EXT2: variants seen among roughly 807,000 people sequenced by gnomAD.
EXT2 encodes the protein exostosin-2.
Under a neutral mutation model 81.6 loss-of-function variants are expected in EXT2, and 53 were observed. That is an observed-to-expected ratio of 0.65 (90% CI 0.52 to 0.82). The LOEUF is 0.82. Ranked by LOEUF, EXT2 falls within the 40% of genes least tolerant of loss-of-function variation. The pLI, the probability that EXT2 is intolerant of heterozygous loss-of-function variation, is 0.00. For synonymous variants in EXT2, 320 were observed against 340.0 expected (o/e 0.94, Z 0.65); for missense variants, 774 against 910.2 (o/e 0.85, Z 1.93).
chr11:44,162,535 C>A (rs1954940786), intron 7 of EXT2, among the ~76,000 whole-genome samples: 1 of 148,230 alleles, frequency 6.7e-6, no homozygotes, highest in African/African-American at 2.5e-5. Flanking sequence ...GAGATCGCAC[C>A]ACTGCCCTCC....
chr11:44,223,813 G>A (rs1457921209), intron 10 of EXT2, among the ~76,000 whole-genome samples: 1 of 152,090 alleles, frequency 6.6e-6, no homozygotes, highest in Non-Finnish European at 1.5e-5. Flanking sequence ...ACTAGGCCCG[G>A]CTAATTTTTT....
chr11:44,151,012 AT>A (rs1343777998), intron 7 of EXT2, among the ~76,000 whole-genome samples: 1 of 152,240 alleles, frequency 6.6e-6, no homozygotes, highest in Non-Finnish European at 1.5e-5. Flanking sequence ...TTAGAAAAGA[AT>A]TAAGGCTAGT....
At chr11:44,151,026 C>A (rs1954784807) in intron 7 of EXT2, among the ~76,000 whole-genome samples, 1 of 152,094 alleles carries the variant, frequency 6.6e-6, no homozygotes, top group African/African-American at 2.4e-5. Flanking sequence ...AGGCTAGTTT[C>A]AAGGAAGAGA....
intron 8 of EXT2, among the ~76,000 whole-genome samples, chr11:44,174,628 T>A (rs913299516): frequency 6.6e-6 from 1 of 152,202 alleles, no homozygotes; most frequent in Admixed American, 6.5e-5. Flanking sequence ...TTACTTTTTT[T>A]AGTTGATTCT....
chr11:44,215,865 A>ATTTT (rs34411687), intron 10 of EXT2, among the ~76,000 whole-genome samples: 2 of 127,822 alleles, frequency 1.6e-5, no homozygotes, highest in Non-Finnish European at 3.3e-5. Context: ...CCATTTGGGA[A>ATTTT]TTTTTTTTTT....
intron 1 of EXT2, among the ~76,000 whole-genome samples, chr11:44,101,010 C>T (rs1004105202): frequency 6.6e-6 from 1 of 152,164 alleles, no homozygotes; most frequent in Non-Finnish European, 1.5e-5. Flanking sequence ...TTCCACTCCC[C>T]TCAGATCTCA....
intron 8 of EXT2, among the ~76,000 whole-genome samples, chr11:44,177,821 A>G (rs1455684290): frequency 3.3e-5 from 5 of 152,102 alleles, no homozygotes; most frequent in Admixed American, 1.3e-4. Flanking sequence ...ACAGAAAGAG[A>G]AGAGAGTAGG....
chr11:44,222,478 A>G (rs1955792039), intron 10 of EXT2, among the ~76,000 whole-genome samples: 1 of 152,224 alleles, frequency 6.6e-6, no homozygotes, highest in Admixed American at 6.5e-5. Context: ...GTAGAATTGT[A>G]AGGGGTTGTT....
At chr11:44,152,703 A>AT in intron 7 of EXT2, among the ~76,000 whole-genome samples, 1 of 151,958 alleles carries the variant, frequency 6.6e-6, no homozygotes. Context: ...TTGTGAGTAA[A>AT]TTTTTTTTGA....
intron 1 of EXT2, among the ~76,000 whole-genome samples, chr11:44,099,403 T>C (rs1413687420): frequency 1.3e-5 from 2 of 152,132 alleles, no homozygotes; most frequent in African/African-American, 4.8e-5. Flanking sequence ...GCCAGGATGG[T>C]CTCGATCTCC....
At chr11:44,204,788 C>T (rs749821566) in intron 9 of EXT2, among the ~76,000 whole-genome samples, 1 of 152,142 alleles carries the variant, frequency 6.6e-6, no homozygotes, top group Admixed American at 6.5e-5. Context: ...ACCATCCCCG[C>T]CCCTCCTTCC....
At position 44,108,487 on chromosome 11, in the gene EXT2, G is replaced by A. The variant is rs1393533047; in HGVS notation, c.536+239G>A. On this transcript the variant is annotated intron_variant, in intron 2 of 13. Coordinates refer to ENST00000533608, the MANE Select transcript of EXT2 (RefSeq NM_207122.2). ...CCGGCACTACTGCTGTGGGTTCCCAGCCTCTTAGAGTTTCCAAACTAAGCG... is the reference window on the plus strand; with the variant it reads ...CCGGCACTACTGCTGTGGGTTCCCAACCTCTTAGAGTTTCCAAACTAAGCG... 2.0e-5 allele frequency among the ~76,000 whole-genome samples: 3 copies of A among 152,200 alleles called. No individual in the cohort carries two copies. In the East Asian group the frequency reaches 5.8e-4, roughly 29 times the overall value.
chr11:44,180,211 A>G (rs913318131), intron 8 of EXT2, among the ~76,000 whole-genome samples: 1 of 152,186 alleles, frequency 6.6e-6, no homozygotes, highest in Non-Finnish European at 1.5e-5. Context: ...TTTCTTACTC[A>G]GAAACCTCTT....
intron 1 of EXT2, among the ~76,000 whole-genome samples, chr11:44,097,381 A>G (rs551575880): frequency 6.6e-6 from 1 of 152,322 alleles, no homozygotes; most frequent in Non-Finnish European, 1.5e-5. Flanking sequence ...AAGGCAATGA[A>G]TTGTGGCTTT....
rs1040452632 is a variant in EXT2 at position 44,251,879 on chromosome 11, A to T, written c.*7592A>T. ...CAAAACAATGTACCTACTTTCGTCA[A>T]GCTTACATTCTAATGAGGAAGATAA... On this transcript the variant is annotated 3_prime_UTR_variant, in exon 14 of 14. Coordinates refer to ENST00000533608, the MANE Select transcript of EXT2 (RefSeq NM_207122.2). Among the ~76,000 whole-genome samples the T allele has an allele frequency of 6.6e-6, 1 of 152,250 alleles. No individual in the cohort carries two copies. Among genetic ancestry groups the T allele is most frequent in the African/African-American group, 2.4e-5 (1 of 41,466 alleles).
intron 7 of EXT2, among the ~76,000 whole-genome samples, chr11:44,146,109 G>A (rs1450433585): frequency 6.6e-6 from 1 of 152,220 alleles, no homozygotes; most frequent in Non-Finnish European, 1.5e-5. Flanking sequence ...CTGCCCTCTT[G>A]CCTCCTCTTC....
intron 4 of EXT2, among the ~76,000 whole-genome samples, chr11:44,117,579 A>G (rs1438908924): frequency 6.6e-6 from 1 of 152,188 alleles, no homozygotes; most frequent in African/African-American, 2.4e-5. Context: ...GTCTTCTTCT[A>G]TTGAATGGTC....
chr11:44,228,123 G>C (rs1161659099), intron 10 of EXT2, among the ~76,000 whole-genome samples: 1 of 152,214 alleles, frequency 6.6e-6, no homozygotes, highest in Non-Finnish European at 1.5e-5. Context: ...CTTAGGCATA[G>C]AGTTTTTTAT....
chr11:44,146,270 A>G (rs1419849947), intron 7 of EXT2, among the ~76,000 whole-genome samples: 1 of 152,174 alleles, frequency 6.6e-6, no homozygotes, highest in African/African-American at 2.4e-5. Context: ...CTCTAAATAC[A>G]GTTACATTTT....
Sources: allele counts gnomAD v4.1 joint callset (sites outside exome capture counted in the v4.1 genomes callset), GRCh38; gene constraint gnomAD v4.1.1; transcripts MANE v1.5; gene names NCBI Gene and HGNC (gene_info 2026-07-23, HGNC 2026-07-21).